Variants in CACNA1C observed in about 807,000 individuals in gnomAD.
The protein encoded by CACNA1C is voltage-dependent L-type calcium channel subunit alpha-1C.
In CACNA1C, 30 loss-of-function variants were observed where a neutral mutation model predicts 229.0. The ratio of observed to expected loss-of-function variants is 0.13; its 90% confidence interval spans 0.10 to 0.18. The LOEUF (loss-of-function observed/expected upper bound fraction) is 0.18, where lower values mean the gene tolerates loss of function less well. Among genes scored for constraint, CACNA1C ranks in the 10% least tolerant of loss-of-function variants. The pLI is 1.00. For synonymous variants in CACNA1C, 1,114 were observed against 1,132.5 expected, an observed-to-expected ratio of 0.98 and a Z score of 0.33; for missense variants, 1,658 against 2,845.0, an observed-to-expected ratio of 0.58 and a Z score of 9.49.
At chr12:2,109,577 G>A (rs953547932) in intron 1 of CACNA1C, among the ~76,000 whole-genome samples, 6 of 152,196 alleles carry the variant, frequency 3.9e-5, no homozygotes, top group African/African-American at 1.4e-4. Flanking sequence ...GTCTGTGCAG[G>A]TGTTGTAAGC....
At chr12:2,535,536 T>TAAA (rs57441915) in intron 9 of CACNA1C, among the ~76,000 whole-genome samples, 1 of 138,380 alleles carries the variant, frequency 7.2e-6, no homozygotes. Context: ...CCATCTCTAT[T>TAAA]AAAAAAAAAA....
At chr12:2,550,857 G>A (rs2099899520) in intron 10 of CACNA1C, among the ~76,000 whole-genome samples, 2 of 152,206 alleles carry the variant, frequency 1.3e-5, no homozygotes, top group Non-Finnish European at 2.9e-5. Context: ...GGGAGAATGA[G>A]GCTGACGGCA....
At chr12:2,437,358 C>G (rs183938015) in intron 3 of CACNA1C, among the ~76,000 whole-genome samples, 1 of 152,262 alleles carries the variant, frequency 6.6e-6, no homozygotes, top group African/African-American at 2.4e-5. Flanking sequence ...GACAATTGTG[C>G]CAGGTAAAGG....
Position 2,677,893 on chromosome 12 carries a change from G to C in CACNA1C, c.5091+26G>C. The C allele has an allele frequency of 6.2e-7, 1 of 1,613,030 alleles. No individual in the cohort carries two copies. Among genetic ancestry groups the C allele is most frequent in the Non-Finnish European group, 8.5e-7 (1 of 1,179,340 alleles). ...GTGGGTGGTGCCATGGCGCACTCTCGACCCCTATAAAGTTCAGTTTGGAGC... is the reference window on the plus strand; with the variant it reads ...GTGGGTGGTGCCATGGCGCACTCTCCACCCCTATAAAGTTCAGTTTGGAGC... On this transcript the variant is annotated intron_variant, in intron 41 of 46. Transcript: ENST00000399655. The surrounding 1 kb of genome is among the most constrained non-coding windows in gnomAD (Gnocchi z 7.4).
intron 19 of CACNA1C, 104 bp downstream of exon 19, chr12:2,593,449 C>A: frequency 8.5e-7 from 1 of 1,171,502 alleles, no homozygotes; most frequent in Non-Finnish European, 1.2e-6. Flanking sequence ...GAGACTCTCC[C>A]AGCTCCTTGC....
intron 3 of CACNA1C, among the ~76,000 whole-genome samples, chr12:2,191,958 A>C (rs1242002814): frequency 1.3e-5 from 2 of 151,826 alleles, no homozygotes; most frequent in South Asian, 4.2e-4. Context: ...ACACGCACAC[A>C]TGTACTCACA....
intron 5 of CACNA1C, among the ~76,000 whole-genome samples, chr12:2,458,329 G>A (rs1406401953): frequency 6.6e-6 from 1 of 152,130 alleles, no homozygotes; most frequent in African/African-American, 2.4e-5. Flanking sequence ...CTATCCGGAT[G>A]TCAGTCACAT....
At chr12:2,643,329 CTT>C (rs2093956512) in intron 30 of CACNA1C, among the ~76,000 whole-genome samples, 1 of 152,202 alleles carries the variant, frequency 6.6e-6, no homozygotes, top group African/African-American at 2.4e-5. Context: ...GTTCCCTGCC[CTT>C]TGTTTGTCTT....
chr12:2,691,396 CGGGG>C lies in CACNA1C; in HGVS notation c.*198_*201del. 5.8e-6 allele frequency: 3 copies of C among 516,438 alleles called. No individual in the cohort carries two copies. The South Asian group carries it at 2.4e-4, about 41-fold the overall frequency. 32.0% of individuals were successfully genotyped at this position (516,438 alleles called of 1,614,324 possible). On this transcript the variant is annotated 3_prime_UTR_variant, in exon 47 of 47. Coordinates refer to ENST00000399655, the MANE Select transcript of CACNA1C (RefSeq NM_000719.7). ...AGGCGCCCGGCTGCGTCTGCAGAGG[CGGGG>C]AGAGGAGGCGGCGAGGGTCCCGGGG...
In CACNA1C at chr12:2,666,737, G is replaced by A. The variant is rs376555924; in HGVS notation, c.4578G>A (p.Pro1526=). The change falls in exon 37 of 47, where the codon CCG becomes CCA. Residue 1526 remains proline (P), a synonymous_variant. Transcript: ENST00000399655. This position sits in a 1 kb window ranked among gnomAD's most constrained non-coding sequence, Gnocchi z 5.3. ...DVVTLLRRIQ[P]PLGFGKLCPH... is the part of the protein sequence containing the mutation. ...TGACCCTCCTCCGGCGGATTCAGCC[G>A]CCACTAGGTTTTGGGAAGCTGTGCC... 6.8e-5 allele frequency: 109 copies of A among 1,606,286 alleles called. 1 individual carries two copies. Among genetic ancestry groups the A allele is most frequent in the South Asian group, 5.6e-4 (50 of 89,050 alleles).
At chr12:2,428,990 G>T (rs2099058115) in intron 3 of CACNA1C, among the ~76,000 whole-genome samples, 3 of 152,202 alleles carry the variant, frequency 2.0e-5, no homozygotes, top group Admixed American at 1.3e-4. Flanking sequence ...TATCCTGGAG[G>T]CCAGAAGTCT....
intron 9 of CACNA1C, among the ~76,000 whole-genome samples, chr12:2,523,308 G>A (rs114770953): frequency 0.016 from 2,371 of 152,258 alleles, 68 homozygotes; most frequent in African/African-American, 0.054. Context: ...CCTTTGGAAT[G>A]GTTTAAGAGG....
In CACNA1C at chr12:2,181,465, A is replaced by G. The variant is rs1286461451; in HGVS notation, c.477+61035A>G. Among the ~76,000 whole-genome samples, 1 of 152,164 alleles carries G rather than the reference A, an allele frequency of 6.6e-6. No individual in the cohort carries two copies. The highest frequency in any genetic ancestry group is 1.5e-5 in the Non-Finnish European group (1 of 68,034). ...GCTGAAACAAACAGGAAAACATTTG[A>G]GCCTGATGTTAGGTTCCAAAACTCA... On this transcript the variant is annotated intron_variant, in intron 3 of 46. Coordinates refer to ENST00000399655, the MANE Select transcript of CACNA1C (RefSeq NM_000719.7). The surrounding 1 kb of genome is among the most constrained non-coding windows in gnomAD (Gnocchi z 4.0).
intron 9 of CACNA1C, among the ~76,000 whole-genome samples, chr12:2,543,226 T>C (rs2099875571): frequency 6.6e-6 from 1 of 152,224 alleles, no homozygotes; most frequent in South Asian, 2.1e-4. Flanking sequence ...ATCCATTCAA[T>C]AAAGCATATT....
intron 18 of CACNA1C, among the ~76,000 whole-genome samples, chr12:2,592,484 T>A (rs2065851057): frequency 6.6e-6 from 1 of 152,212 alleles, no homozygotes. Flanking sequence ...CCTCTGAGCA[T>A]CTTCAACACA....
intron 9 of CACNA1C, among the ~76,000 whole-genome samples, chr12:2,536,962 A>G (rs1016925499): frequency 1.3e-4 from 20 of 152,256 alleles, no homozygotes; most frequent in African/African-American, 4.6e-4. Flanking sequence ...GTGAGGTCAC[A>G]TAGCTCCAAG....
chr12:2,551,382 A>G (rs1008980495), intron 10 of CACNA1C, among the ~76,000 whole-genome samples: 1 of 152,242 alleles, frequency 6.6e-6, no homozygotes, highest in African/African-American at 2.4e-5. Flanking sequence ...GTTTGCTCAG[A>G]GCACATGCTC....
In CACNA1C at chr12:2,689,504, G is replaced by A. The variant is rs1481900595; in HGVS notation, c.6117+725G>A. 6.6e-6 allele frequency among the ~76,000 whole-genome samples: 1 copy of A among 152,096 alleles called. No individual in the cohort carries two copies. The highest frequency in any genetic ancestry group is 6.5e-5 in the Admixed American group (1 of 15,276). Reference sequence around the variant, plus strand: ...GGCAGGCTCAGCCCACCAGCGGACAGATTTCAGCTCACATGGGGAAGACCT... The same window carrying A: ...GGCAGGCTCAGCCCACCAGCGGACAAATTTCAGCTCACATGGGGAAGACCT... On this transcript the variant is annotated intron_variant, in intron 46 of 46. Coordinates refer to ENST00000399655, the MANE Select transcript of CACNA1C (RefSeq NM_000719.7). This position sits in a 1 kb window ranked among gnomAD's most constrained non-coding sequence, Gnocchi z 4.2.
At chr12:2,543,455 A>G (rs1237483867) in intron 9 of CACNA1C, among the ~76,000 whole-genome samples, 1 of 152,224 alleles carries the variant, frequency 6.6e-6, no homozygotes, top group Admixed American at 6.5e-5. Flanking sequence ...AACAATTTGG[A>G]CATTCAGCTT....
Sources: allele counts gnomAD v4.1 joint callset (sites outside exome capture counted in the v4.1 genomes callset), GRCh38; gene constraint gnomAD v4.1.1; non-coding constraint Gnocchi (gnomAD v3.1); transcripts MANE v1.5; gene names NCBI Gene and HGNC (gene_info 2026-07-23, HGNC 2026-07-21).